Variants in MAST4 observed in about 807,000 individuals in gnomAD.
The protein encoded by MAST4 is microtubule associated serine/threonine kinase family member 4.
A neutral mutation model predicts 162.7 loss-of-function variants in MAST4; 89 were observed. The observed-to-expected ratio is 0.55, with a 90% CI of 0.46 to 0.65. The LOEUF is 0.65. Among genes scored for constraint, MAST4 ranks in the 30% least tolerant of loss-of-function variants. The pLI, the probability that MAST4 is intolerant of heterozygous loss-of-function variation, is 0.00. For missense variants in MAST4, 3,153 were observed against 3,374.0 expected, an observed-to-expected ratio of 0.93 and a Z score of 1.62; for synonymous variants, 1,479 against 1,361.1, an observed-to-expected ratio of 1.09 and a Z score of -1.91.
At chr5:67,120,089 G>A (rs1767394181) in intron 13 of MAST4, among the ~76,000 whole-genome samples, 1 of 152,216 alleles carries the variant, frequency 6.6e-6, no homozygotes, top group Non-Finnish European at 1.5e-5. Context: ...AGATCTTAGG[G>A]CCAGAGGCCA....
chr5:66,805,515 C>A (rs1490061143), intron 3 of MAST4, among the ~76,000 whole-genome samples: 1 of 152,064 alleles, frequency 6.6e-6, no homozygotes, highest in African/African-American at 2.4e-5. Flanking sequence ...CTTTGAAAAC[C>A]AGTGAGAAAA....
intron 3 of MAST4, among the ~76,000 whole-genome samples, chr5:66,898,083 A>G (rs1430795333): frequency 2.6e-5 from 4 of 152,172 alleles, no homozygotes; most frequent in Non-Finnish European, 5.9e-5. Flanking sequence ...AGATCAGCTT[A>G]TTGGACAGAG....
chr5:66,911,216 A>G (rs546665783), intron 4 of MAST4, among the ~76,000 whole-genome samples: 1 of 152,278 alleles, frequency 6.6e-6, no homozygotes, highest in South Asian at 2.1e-4. Context: ...CATCACTCAC[A>G]TAACTTTTGA....
intron 3 of MAST4, among the ~76,000 whole-genome samples, chr5:66,854,633 CCTT>C (rs1436303792): frequency 2.0e-5 from 3 of 152,162 alleles, no homozygotes; most frequent in African/African-American, 4.8e-5. Context: ...GGCAGTCCCT[CCTT>C]CTTCTTGGAA....
chr5:66,842,504 G>A (rs1030120307), intron 3 of MAST4, among the ~76,000 whole-genome samples: 2 of 150,410 alleles, frequency 1.3e-5, no homozygotes, highest in Admixed American at 6.6e-5. Flanking sequence ...TCATTTCCAC[G>A]TGTGGGTTCA....
chr5:66,642,177 A>G (rs182097767), intron 1 of MAST4, among the ~76,000 whole-genome samples: 1 of 152,314 alleles, frequency 6.6e-6, no homozygotes, highest in East Asian at 1.9e-4. Flanking sequence ...ATTCTGTTCA[A>G]GTCTCTAGAT....
rs1491178013 is a variant in MAST4 at position 66,767,170 on chromosome 5, C to CGTTGTGT, written c.517+7310_517+7311insTGTGTGT. Reference sequence around the variant, plus strand: ...TGGTCACAGATGAATGTAAAGTGCACGTGTGTGTGTGTGTGTGTGTGTGTG... The same window carrying CGTTGTGT: ...TGGTCACAGATGAATGTAAAGTGCACGTTGTGTGTGTGTGTGTGTGTGTGTGTGTGTG... On this transcript the variant is annotated intron_variant, in intron 2 of 28. Transcript: ENST00000403625. Among the ~76,000 whole-genome samples the CGTTGTGT allele has an allele frequency of 2.5e-3, 344 of 139,562 alleles. 2 individuals carry two copies. Among genetic ancestry groups the CGTTGTGT allele is most frequent in the African/African-American group, 8.0e-3 (295 of 36,878 alleles). The allele number at this position is 139,562 out of a possible 152,430, so 91.6% of individuals were successfully genotyped here.
intron 27 of MAST4, 132 bp from the exon 28 acceptor site, chr5:67,162,475 T>C: frequency 1.4e-6 from 1 of 721,764 alleles, no homozygotes; most frequent in Non-Finnish European, 2.3e-6. Flanking sequence ...AGTGGTGTTC[T>C]GCTCTTTAAT....
intron 1 of MAST4, among the ~76,000 whole-genome samples, chr5:66,677,435 A>G (rs1478425339): frequency 1.3e-5 from 2 of 152,160 alleles, no homozygotes; most frequent in Non-Finnish European, 2.9e-5. Flanking sequence ...GTCTGAGGGT[A>G]AACACTGCCA....
rs982539875 is a variant in MAST4 at position 66,737,373 on chromosome 5, C to T, written c.364-22336C>T. Among the ~76,000 whole-genome samples the T allele has an allele frequency of 4.3e-4, 65 of 152,162 alleles. 1 individual carries two copies. The highest frequency in any genetic ancestry group is 1.5e-3 in the African/African-American group (64 of 41,422). On this transcript the variant is annotated intron_variant, in intron 1 of 28. Coordinates refer to ENST00000403625, the MANE Select transcript of MAST4 (RefSeq NM_001164664.2). ...GAGAGAAAATGCAAAGAGGAAGCCACAATGCCTCTTACAGTTGAGCCTCAG... is the reference window on the plus strand; with the variant it reads ...GAGAGAAAATGCAAAGAGGAAGCCATAATGCCTCTTACAGTTGAGCCTCAG...
intron 4 of MAST4, among the ~76,000 whole-genome samples, chr5:66,994,231 CT>C (rs933099921): frequency 9.2e-5 from 14 of 152,066 alleles, no homozygotes; most frequent in African/African-American, 3.1e-4. Flanking sequence ...TCTATTGTTC[CT>C]TTATCATTTT....
intron 5 of MAST4, among the ~76,000 whole-genome samples, chr5:67,069,191 T>G (rs1760599043): frequency 6.6e-6 from 1 of 151,286 alleles, no homozygotes; most frequent in Admixed American, 6.6e-5. Flanking sequence ...GTTAATTTTC[T>G]TAAAGTTTTA....
At chr5:66,882,962 T>C (rs1375242014) in intron 3 of MAST4, among the ~76,000 whole-genome samples, 1 of 152,178 alleles carries the variant, frequency 6.6e-6, no homozygotes, top group East Asian at 1.9e-4. Context: ...CTTTACCACT[T>C]AGGAGGTAGA....
chr5:66,680,463 T>G (rs1292704921), intron 1 of MAST4, among the ~76,000 whole-genome samples: 2 of 152,210 alleles, frequency 1.3e-5, no homozygotes, highest in Middle Eastern at 3.4e-3. Context: ...CCTCCTCCCT[T>G]AGTAATTAAA....
chr5:66,616,243 A>G (rs1360462204), intron 1 of MAST4, among the ~76,000 whole-genome samples: 1 of 152,234 alleles, frequency 6.6e-6, no homozygotes, highest in East Asian at 1.9e-4. Flanking sequence ...GGTGTGGTGC[A>G]TGCATTTTTC....
intron 3 of MAST4, among the ~76,000 whole-genome samples, chr5:66,803,357 A>G (rs974845163): frequency 1.3e-5 from 2 of 152,164 alleles, no homozygotes; most frequent in Non-Finnish European, 2.9e-5. Context: ...CTTCAAGAGC[A>G]TTGGCTGTTT....
At chr5:66,656,162 C>T in intron 1 of MAST4, among the ~76,000 whole-genome samples, 1 of 152,332 alleles carries the variant, frequency 6.6e-6, no homozygotes, top group Middle Eastern at 3.4e-3. Context: ...GGGCCTGGTA[C>T]AGCAGAAGGG....
intron 14 of MAST4, among the ~76,000 whole-genome samples, chr5:67,125,248 TC>T (rs1201292677): frequency 2.6e-5 from 4 of 151,426 alleles, no homozygotes; most frequent in Non-Finnish European, 4.4e-5. Flanking sequence ...CTTTTTTGGT[TC>T]TTTTTTTTTT....
chr5:66,884,123 A>G (rs371179574), intron 3 of MAST4, among the ~76,000 whole-genome samples: 1 of 152,166 alleles, frequency 6.6e-6, no homozygotes, highest in South Asian at 2.1e-4. Flanking sequence ...TTAAACCTCC[A>G]TTTCTCAAAG....
Sources: allele counts gnomAD v4.1 joint callset (sites outside exome capture counted in the v4.1 genomes callset), GRCh38; gene constraint gnomAD v4.1.1; transcripts MANE v1.5; gene names NCBI Gene and HGNC (gene_info 2026-07-23, HGNC 2026-07-21).